AANAT: variants seen among roughly 807,000 people sequenced by gnomAD.
AANAT encodes the protein aralkylamine N-acetyltransferase.
A neutral mutation model predicts 15.6 loss-of-function variants in AANAT; 11 were observed. The observed-to-expected ratio is 0.71, with a 90% CI of 0.44 to 1.17. AANAT has a LOEUF of 1.17. AANAT is among the 50% of genes most tolerant of loss of function. The pLI, the probability that AANAT is intolerant of heterozygous loss-of-function variation, is 0.00. For synonymous variants in AANAT, 139 were observed against 131.5 expected, an observed-to-expected ratio of 1.06 and a Z score of -0.39; for missense variants, 286 against 296.3, an observed-to-expected ratio of 0.97 and a Z score of 0.26.
Position 76,469,678 on chromosome 17 carries a change from T to C in AANAT, c.332T>C (p.Leu111Pro). Residue 111 changes from leucine to proline, a missense_variant, in exon 4 of 4, where the codon CTG becomes CCG. Coordinates refer to ENST00000392492, the MANE Select transcript of AANAT (RefSeq NM_001088.3). This position sits in a 1 kb window ranked among gnomAD's most constrained non-coding sequence, Gnocchi z 5.2. ...KERLMQESLT[L>P]HRSGGHIAHL... ...GCTCGCTCCCAGGAGTCACTGACGC[T>C]GCACAGGTCTGGGGGCCACATAGCC... 2 of 1,499,714 alleles carry C rather than the reference T, an allele frequency of 1.3e-6. No homozygotes were observed. The highest frequency in any genetic ancestry group is 1.8e-6 in the Non-Finnish European group (2 of 1,124,858). The allele number at this position is 1,499,714 out of a possible 1,614,324, so 92.9% of individuals were successfully genotyped here.
At position 76,469,299 on chromosome 17, in the gene AANAT, C is replaced by T. The variant is rs577400794; in HGVS notation, c.290C>T (p.Ser97Leu). Residue 97 changes from serine to leucine, a missense_variant, in exon 3 of 4, where the codon TCG becomes TTG. By Grantham distance (145) the Ser-to-Leu change is moderately radical. Coordinates refer to ENST00000392492, the MANE Select transcript of AANAT (RefSeq NM_001088.3). The surrounding 1 kb of genome is among the most constrained non-coding windows in gnomAD (Gnocchi z 5.2). The stretch of plus-strand genomic sequence containing the variant: ...TGCCTTGTGGCCTTCATCATCGGCT[C>T]GCTCTGGGACAAGGAGAGACTCATG... ...EGCLVAFIIG[S>L]LWDKERLMQE... The T allele has an allele frequency of 1.1e-5, 17 of 1,614,108 alleles. No individual in the cohort carries two copies. Among genetic ancestry groups the T allele is most frequent in the African/African-American group, 8.0e-5 (6 of 75,052 alleles).
intron 1 of AANAT, among the ~76,000 whole-genome samples, chr17:76,455,882 G>C (rs138996637): frequency 3.9e-5 from 6 of 152,046 alleles, no homozygotes; most frequent in Non-Finnish European, 7.4e-5. Context: ...GTGTAGTGGC[G>C]CATGCTTGTA....
At chr17:76,466,084 G>A, upstream of AANAT, 3 of 1,147,776 alleles carry the variant, frequency 2.6e-6, no homozygotes, top group Non-Finnish European at 1.3e-6. Context: ...GGGCCATGTG[G>A]AAGTCAGCAA....
At chr17:76,466,815 G>C (rs1049790516), upstream of AANAT, among the ~76,000 whole-genome samples, 2 of 152,152 alleles carry the variant, frequency 1.3e-5, no homozygotes, top group African/African-American at 2.4e-5. Flanking sequence ...GCACTCACAG[G>C]CTGCCAGGAC....
At position 76,469,107 on chromosome 17, in the gene AANAT, G is replaced by T; in HGVS notation, c.164-66G>T. On this transcript the variant is annotated intron_variant, in intron 2 of 3. Coordinates refer to ENST00000392492, the MANE Select transcript of AANAT (RefSeq NM_001088.3). This position sits in a 1 kb window ranked among gnomAD's most constrained non-coding sequence, Gnocchi z 5.2. ...ACGGGGCATCTGAGTGGACACTCGG[G>T]GTGCAGCAGACAGTGGACGCGAGGC... is the stretch of plus-strand genomic sequence containing the variant. 1.3e-6 allele frequency: 2 copies of T among 1,597,652 alleles called. No homozygotes were observed. The highest frequency in any genetic ancestry group is 1.7e-4 in the Middle Eastern group (1 of 6,000).
At chr17:76,465,898 C>T (rs1424659482), upstream of AANAT, 3 of 432,344 alleles carry the variant, frequency 6.9e-6, no homozygotes, top group Non-Finnish European at 8.5e-6. Context: ...CGCTCTGTCG[C>T]CCAGGCTGGA....
chr17:76,469,625 G>T lies in AANAT; in HGVS notation c.319-40G>T, dbSNP rs368336983. ...GGTGGTTGGGGGGGAGCACGTGTCAGCAGAAGTGACCTGGGATCTCATCCC... is the reference window on the plus strand; with the variant it reads ...GGTGGTTGGGGGGGAGCACGTGTCATCAGAAGTGACCTGGGATCTCATCCC... On this transcript the variant is annotated intron_variant, in intron 3 of 3. Transcript: ENST00000392492. The surrounding 1 kb of genome is among the most constrained non-coding windows in gnomAD (Gnocchi z 5.2). The T allele has an allele frequency of 4.5e-5, 65 of 1,434,356 alleles. No individual in the cohort carries two copies. The highest frequency in any genetic ancestry group is 5.7e-5 in the Non-Finnish European group (62 of 1,095,924). 88.9% of individuals were successfully genotyped at this position (1,434,356 alleles called of 1,614,324 possible). A position where few individuals can be genotyped will look rare whatever the true frequency, so the allele number is the denominator to read the frequency against.
upstream of AANAT, chr17:76,466,075 G>A: frequency 9.6e-7 from 1 of 1,044,842 alleles, no homozygotes; most frequent in Non-Finnish European, 1.4e-6. Flanking sequence ...GAAAGAACAG[G>A]GCCATGTGGA....
chr17:76,467,704 C>T lies in AANAT; in HGVS notation c.-99C>T. On this transcript the variant is annotated 5_prime_UTR_variant, in exon 1 of 4. Transcript: ENST00000392492. ...GGCTAGCGGCTTTGTGGAGGGAACACTGGGTATCCTCTCCACAGTCCAGGT... is the reference window on the plus strand; with the variant it reads ...GGCTAGCGGCTTTGTGGAGGGAACATTGGGTATCCTCTCCACAGTCCAGGT... 3 of 985,472 alleles carry T rather than the reference C, an allele frequency of 3.0e-6. No homozygotes were observed. Among genetic ancestry groups the T allele is most frequent in the Non-Finnish European group, 3.6e-6 (3 of 829,948 alleles). The allele number at this position is 985,472 out of a possible 1,614,324, so 61.0% of individuals were successfully genotyped here. A position where few individuals can be genotyped will look rare whatever the true frequency, so the allele number is the denominator to read the frequency against.
In AANAT at chr17:76,468,986, C is replaced by T. The variant is rs148994854; in HGVS notation, c.163+77C>T. On this transcript the variant is annotated intron_variant, in intron 2 of 3. Transcript: ENST00000392492. ...CCTGTGGGGAGGAGACCCTTAGTCT[C>T]CTGTCCTTGGAGGCTGGGTCCCAGA... is the stretch of plus-strand genomic sequence containing the variant. The T allele has an allele frequency of 4.3e-4, 659 of 1,529,162 alleles. 4 individuals carry two copies. The East Asian group carries it at 0.014, about 31-fold the overall frequency. The allele number at this position is 1,529,162 out of a possible 1,614,324, so 94.7% of individuals were successfully genotyped here.
intron 1 of AANAT, among the ~76,000 whole-genome samples, chr17:76,454,563 C>T (rs2073320012): frequency 6.6e-6 from 1 of 151,928 alleles, no homozygotes; most frequent in East Asian, 1.9e-4. Context: ...GCCTGTAATC[C>T]CAGCACTTTG....
rs1422374274 is a variant in AANAT, at chr17:76,469,254, T to A, written c.245T>A (p.Leu82Gln). ...CTGACCCTATGTCCAGAGCTGTCCCTGGGCTGGTTCGAGGAGGGCTGCCTT... is the reference window on the plus strand; with the variant it reads ...CTGACCCTATGTCCAGAGCTGTCCCAGGGCTGGTTCGAGGAGGGCTGCCTT... ...HFLTLCPELS[L>Q]GWFEEGCLVA... The change falls in exon 3 of 4, where the codon CTG (leucine) becomes CAG (glutamine). Residue 82 changes from leucine (L) to glutamine (Q), a missense_variant. Leu to Gln is a moderately radical substitution (Grantham distance 113). Coordinates refer to ENST00000392492, the MANE Select transcript of AANAT (RefSeq NM_001088.3). This position sits in a 1 kb window ranked among gnomAD's most constrained non-coding sequence, Gnocchi z 5.2. The A allele has an allele frequency of 2.5e-6, 4 of 1,614,180 alleles. No individual in the cohort carries two copies.
intron 1 of AANAT, among the ~76,000 whole-genome samples, chr17:76,456,334 GAA>G (rs60616607): frequency 0.4 from 57,322 of 142,274 alleles, 13,178 homozygotes; most frequent in African/African-American, 0.64. Flanking sequence ...TCCATCTCAG[GAA>G]AAAAAAAAAA....
Position 76,469,920 on chromosome 17 carries a change from C to T in AANAT, c.574C>T (p.His192Tyr). The T allele has an allele frequency of 6.4e-7, 1 of 1,561,084 alleles. No individual in the cohort carries two copies. Among genetic ancestry groups the T allele is most frequent in the South Asian group, 1.2e-5 (1 of 84,922 alleles). ...TVGSLTFMEL[H>Y]CSLRGHPFLR... ...GGGCTCCCTCACCTTCATGGAGCTC[C>T]ACTGCTCCCTGCGGGGCCACCCCTT... Residue 192 changes from histidine (H) to tyrosine (Y), a missense_variant, in exon 4 of 4, where the codon CAC (histidine) becomes TAC (tyrosine). Physicochemically the swap from His to Tyr is moderately conservative, Grantham distance 83 (BLOSUM62 2). Transcript: ENST00000392492. This position sits in a 1 kb window ranked among gnomAD's most constrained non-coding sequence, Gnocchi z 5.2.
At chr17:76,467,043 G>A (rs2073445598), upstream of AANAT, among the ~76,000 whole-genome samples, 1 of 152,056 alleles carries the variant, frequency 6.6e-6, no homozygotes, top group South Asian at 2.1e-4. Flanking sequence ...GAGGGCAGGG[G>A]GTAGTCAGAG....
chr17:76,455,801 G>A (rs34307111), intron 1 of AANAT, among the ~76,000 whole-genome samples: 68,830 of 151,896 alleles, frequency 0.45, 18,654 homozygotes, highest in Non-Finnish European at 0.6. Flanking sequence ...ATCATTTGAA[G>A]TCAGGAGTTC....
At chr17:76,456,783 C>T (rs940643505) in intron 1 of AANAT, among the ~76,000 whole-genome samples, 1 of 152,192 alleles carries the variant, frequency 6.6e-6, no homozygotes. Context: ...GTACCAGGTA[C>T]TTCCAAGCAC....
chr17:76,465,708 G>A (rs962924872), upstream of AANAT, among the ~76,000 whole-genome samples: 29 of 151,848 alleles, frequency 1.9e-4, no homozygotes, highest in African/African-American at 6.8e-4. Context: ...CTTCTCATTG[G>A]TGGTGGTATG....
upstream of AANAT, among the ~76,000 whole-genome samples, chr17:76,465,086 C>T (rs898678035): frequency 4.6e-5 from 7 of 151,862 alleles, no homozygotes; most frequent in African/African-American, 1.7e-4. Flanking sequence ...CATGAGCCAC[C>T]GTGCCCGGCC....
Sources: allele counts gnomAD v4.1 joint callset (sites outside exome capture counted in the v4.1 genomes callset), GRCh38; gene constraint gnomAD v4.1.1; non-coding constraint Gnocchi (gnomAD v3.1); transcripts MANE v1.5; gene names NCBI Gene and HGNC (gene_info 2026-07-23, HGNC 2026-07-21).